Variants in CBFA2T2 observed in about 807,000 individuals in gnomAD.
The protein encoded by CBFA2T2 is CBFA2/RUNX1 partner transcriptional co-repressor 2, also known as protein CBFA2T2.
In CBFA2T2, 11 loss-of-function variants were observed where a neutral mutation model predicts 62.2. The ratio of observed to expected loss-of-function variants is 0.18; its 90% CI spans 0.11 to 0.29. The LOEUF is 0.29. CBFA2T2 is among the 10% of genes least tolerant of loss of function. CBFA2T2 has a pLI of 1.00. For synonymous variants in CBFA2T2, 295 were observed against 287.5 expected (o/e 1.03, Z -0.27); for missense variants, 592 against 774.1 (o/e 0.76, Z 2.79).
intron 1 of CBFA2T2, among the ~76,000 whole-genome samples, chr20:33,595,741 T>TAAGGA (rs1348802554): frequency 1.3e-5 from 2 of 151,762 alleles, no homozygotes; most frequent in East Asian, 1.9e-4. Flanking sequence ...GGTTTTGCCA[T>TAAGGA]GTTGGCCAGG....
chr20:33,525,115 C>T (rs371187712), intron 1 of CBFA2T2, among the ~76,000 whole-genome samples: 4 of 150,310 alleles, frequency 2.7e-5, no homozygotes, highest in Non-Finnish European at 4.4e-5. Flanking sequence ...GGATTACAGG[C>T]GTAAGCCAGT....
chr20:33,516,820 AT>A (rs1425369871), intron 1 of CBFA2T2, among the ~76,000 whole-genome samples: 1 of 152,216 alleles, frequency 6.6e-6, no homozygotes, highest in Non-Finnish European at 1.5e-5. Flanking sequence ...AGTTTTTATA[AT>A]TTACAGTCAG....
intron 1 of CBFA2T2, among the ~76,000 whole-genome samples, chr20:33,498,015 T>A (rs1371718064): frequency 1.3e-5 from 2 of 152,156 alleles, no homozygotes; most frequent in Non-Finnish European, 1.5e-5. Flanking sequence ...TTATCCTAGT[T>A]TGGAACCAGT....
At chr20:33,535,814 C>T (rs1022276643) in intron 1 of CBFA2T2, among the ~76,000 whole-genome samples, 4 of 151,860 alleles carry the variant, frequency 2.6e-5, no homozygotes, top group African/African-American at 9.7e-5. Flanking sequence ...GAGGACCCTG[C>T]GGCCTTCCGC....
chr20:33,625,790 C>G (rs1205298739), intron 6 of CBFA2T2, among the ~76,000 whole-genome samples: 1 of 152,028 alleles, frequency 6.6e-6, no homozygotes, highest in Non-Finnish European at 1.5e-5. Context: ...TCTACAACAA[C>G]AACAACAAAA....
chr20:33,623,394 T>C (rs2016072874), intron 5 of CBFA2T2, 98 bp downstream of exon 5: 1 of 1,414,312 alleles, frequency 7.1e-7, no homozygotes, highest in Non-Finnish European at 9.8e-7. Context: ...GTGGTTGTAA[T>C]GTCTCAAACT....
chr20:33,520,495 G>C (rs1431487540), intron 1 of CBFA2T2, among the ~76,000 whole-genome samples: 1 of 152,114 alleles, frequency 6.6e-6, no homozygotes, highest in East Asian at 1.9e-4. Context: ...AGTAGGCCGG[G>C]TTTGGTGGTT....
intron 1 of CBFA2T2, among the ~76,000 whole-genome samples, chr20:33,582,148 A>G (rs2146914960): frequency 6.6e-6 from 1 of 152,282 alleles, no homozygotes; most frequent in East Asian, 1.9e-4. Context: ...TTTGTGTCCC[A>G]AACACTTAGT....
chr20:33,646,080 T>C lies in CBFA2T2; in HGVS notation c.*1434T>C, dbSNP rs2017038252. Reference sequence around the variant, plus strand: ...GTGCAGTGGCATGATCTTGGCTCACTGCAACCTCTGCCTTCCAGGTTCAAG... The same window carrying C: ...GTGCAGTGGCATGATCTTGGCTCACCGCAACCTCTGCCTTCCAGGTTCAAG... On this transcript the variant is annotated 3_prime_UTR_variant, in exon 11 of 11. Coordinates refer to ENST00000342704, the MANE Select transcript of CBFA2T2 (RefSeq NM_001032999.3). The C allele has an allele frequency of 6.6e-6, 1 of 152,214 alleles. No homozygotes were observed. Among genetic ancestry groups the C allele is most frequent in the Non-Finnish European group, 1.5e-5 (1 of 68,048 alleles). The allele number at this position is 152,214 out of a possible 1,614,324, so 9.4% of individuals were successfully genotyped here.
intron 1 of CBFA2T2, among the ~76,000 whole-genome samples, chr20:33,539,876 A>C (rs1344026537): frequency 6.6e-6 from 1 of 151,102 alleles, no homozygotes; most frequent in Non-Finnish European, 1.5e-5. Context: ...ATTTTTATTT[A>C]TTGTAGAGAT....
At position 33,593,683 on chromosome 20, in the gene CBFA2T2, A is replaced by G. The variant is rs141061849; in HGVS notation, c.35-13273A>G. On this transcript the variant is annotated intron_variant, in intron 1 of 10. Coordinates refer to ENST00000342704, the MANE Select transcript of CBFA2T2 (RefSeq NM_001032999.3). ...GCTGGTATTACAGGCATGAGCCAACACGCCCAACCTTCTGACTGGTTTTTA... is the reference window on the plus strand; with the variant it reads ...GCTGGTATTACAGGCATGAGCCAACGCGCCCAACCTTCTGACTGGTTTTTA... Among the ~76,000 whole-genome samples, 640 of 152,226 alleles carry G rather than the reference A, an allele frequency of 4.2e-3. 4 individuals are homozygous for G. Among genetic ancestry groups the G allele is most frequent in the African/African-American group, 0.014 (594 of 41,552 alleles).
At chr20:33,636,742 T>A in intron 9 of CBFA2T2, 34 bp downstream of exon 9, 1 of 1,500,742 alleles carries the variant, frequency 6.7e-7, no homozygotes, top group Non-Finnish European at 9.3e-7. Flanking sequence ...TCATACATAC[T>A]CACTAATTTG....
chr20:33,583,930 ATTT>A (rs2014238238), intron 1 of CBFA2T2, among the ~76,000 whole-genome samples: 1 of 149,076 alleles, frequency 6.7e-6, no homozygotes, highest in Non-Finnish European at 1.5e-5. Context: ...TTATTTATTT[ATTT>A]GTTTGTTTGT....
chr20:33,544,609 G>A (rs2012485531), intron 1 of CBFA2T2, among the ~76,000 whole-genome samples: 1 of 151,830 alleles, frequency 6.6e-6, no homozygotes, highest in Non-Finnish European at 1.5e-5. Flanking sequence ...GCGTAGTGGC[G>A]CGATCTCGGC....
At chr20:33,538,343 TG>T (rs2012322128) in intron 1 of CBFA2T2, among the ~76,000 whole-genome samples, 1 of 152,100 alleles carries the variant, frequency 6.6e-6, no homozygotes, top group Admixed American at 6.5e-5. Context: ...AATAGCTTTT[TG>T]GGGAGATTCC....
At chr20:33,641,024 C>T (rs540796256) in intron 10 of CBFA2T2, among the ~76,000 whole-genome samples, 3 of 151,948 alleles carry the variant, frequency 2.0e-5, no homozygotes, top group Admixed American at 1.3e-4. Context: ...AGTGCAGGGT[C>T]CTATAGCACC....
intron 1 of CBFA2T2, among the ~76,000 whole-genome samples, chr20:33,560,659 G>C (rs1212933236): frequency 1.3e-5 from 2 of 152,174 alleles, no homozygotes; most frequent in African/African-American, 4.8e-5. Context: ...TGCCATGACA[G>C]AAATATTGTT....
rs2016388031 is a variant in CBFA2T2 at position 33,629,896 on chromosome 20, G to A, written c.1210G>A (p.Ala404Thr). 6.2e-7 allele frequency: 1 copy of A among 1,612,496 alleles called. No homozygotes were observed. Residue 404 changes from alanine to threonine, a missense_variant, in exon 8 of 11, where the codon GCA becomes ACA. Coordinates refer to ENST00000342704, the MANE Select transcript of CBFA2T2 (RefSeq NM_001032999.3). ...CTCCAGGCAGCACAGCCCTGGGAGT[G>A]CAGATTCTCTCAGCAATGGTAAGGG... ...LVSRQHSPGS[A>T]DSLSNDSQRE... is the part of the protein sequence containing the mutation.
At chr20:33,582,058 T>C (rs2014141996) in intron 1 of CBFA2T2, among the ~76,000 whole-genome samples, 1 of 152,202 alleles carries the variant, frequency 6.6e-6, no homozygotes, top group Non-Finnish European at 1.5e-5. Flanking sequence ...TGTCCCAGTC[T>C]ACTTGAGATG....
Sources: allele counts gnomAD v4.1 joint callset (sites outside exome capture counted in the v4.1 genomes callset), GRCh38; gene constraint gnomAD v4.1.1; transcripts MANE v1.5; gene names NCBI Gene and HGNC (gene_info 2026-07-23, HGNC 2026-07-21).